DNAH11: variants seen among roughly 807,000 people sequenced by gnomAD.
DNAH11 encodes dynein axonemal heavy chain 11.
Under a neutral mutation model 526.0 loss-of-function variants are expected in DNAH11, and 442 were observed. That is an observed-to-expected ratio of 0.84 (90% CI 0.78 to 0.91). The LOEUF (loss-of-function observed/expected upper bound fraction) is 0.91, where lower values mean the gene tolerates loss of function less well. DNAH11 is among the 40% of genes least tolerant of loss of function. DNAH11 has a pLI of 0.00. For missense variants in DNAH11, 6,989 were observed against 5,448.7 expected (o/e 1.28, Z -8.90); for synonymous variants, 2,461 against 1,935.9 (o/e 1.27, Z -7.12).
At chr7:21,771,728 C>A (rs181975130) in intron 55 of DNAH11, among the ~76,000 whole-genome samples, 6 of 152,060 alleles carry the variant, frequency 3.9e-5, no homozygotes, top group African/African-American at 1.4e-4. Flanking sequence ...TATTAAGAGG[C>A]CAAATCTAGC....
In DNAH11 at chr7:21,725,918, T is replaced by G; in HGVS notation, c.7374T>G (p.Thr2458=). ...TTGATTATTATGTGGACCACAAAAC[T>G]AAGAAATTATTGCCCTGGGCTGACA... ...TIFDYYVDHK[T]KKLLPWADKI... Residue 2458 remains threonine, a synonymous_variant, in exon 45 of 82, where the codon ACT becomes ACG. Coordinates refer to ENST00000409508, the MANE Select transcript of DNAH11 (RefSeq NM_001277115.2). 1 of 1,578,964 alleles carries G rather than the reference T, an allele frequency of 6.3e-7. No homozygotes were observed. Among genetic ancestry groups the G allele is most frequent in the Non-Finnish European group, 8.6e-7 (1 of 1,161,276 alleles).
At chr7:21,876,143 G>A (rs567332043) in intron 74 of DNAH11, among the ~76,000 whole-genome samples, 165 of 152,100 alleles carry the variant, frequency 1.1e-3, no homozygotes, top group African/African-American at 2.7e-3. Context: ...CTCGGCATCC[G>A]AAGTGCTGGG....
intron 44 of DNAH11, among the ~76,000 whole-genome samples, chr7:21,722,705 T>C (rs1784927813): frequency 6.6e-6 from 1 of 152,186 alleles, no homozygotes; most frequent in African/African-American, 2.4e-5. Flanking sequence ...AGTCAAGTGT[T>C]CGTGTCAGGG....
At chr7:21,726,076 T>A in intron 45 of DNAH11, 92 bp downstream of exon 45, 1 of 1,265,440 alleles carries the variant, frequency 7.9e-7, no homozygotes, top group Non-Finnish European at 1.0e-6. Context: ...GAAAAGAGGT[T>A]TAATTGGCTC....
intron 8 of DNAH11, among the ~76,000 whole-genome samples, chr7:21,574,709 G>A (rs1286738617): frequency 6.6e-6 from 1 of 150,882 alleles, no homozygotes; most frequent in East Asian, 2.0e-4. Context: ...GATTACAGGG[G>A]CACACCACCA....
At position 21,896,451 on chromosome 7, in the gene DNAH11, C is replaced by G. The variant is rs145976198; in HGVS notation, c.13049+1452C>G. 2.9e-3 allele frequency among the ~76,000 whole-genome samples: 445 copies of G among 152,270 alleles called. 1 individual carries two copies. Among genetic ancestry groups the G allele is most frequent in the African/African-American group, 9.8e-3 (409 of 41,562 alleles). ...TTTGATTGTAGAGGGTGGATCTGGT[C>G]TTAAATATTTGCCATTCCTTCCCAA... On this transcript the variant is annotated intron_variant, in intron 79 of 81. Transcript: ENST00000409508.
At chr7:21,655,073 C>CT (rs1179654592) in intron 28 of DNAH11, among the ~76,000 whole-genome samples, 1 of 150,538 alleles carries the variant, frequency 6.6e-6, no homozygotes, top group East Asian at 2.0e-4. Context: ...GTTTTCCCCC[C>CT]CCACCCCCAA....
rs113456340 is a variant in DNAH11, at chr7:21,616,176, T to C, written c.4012-33T>C. 3.0e-5 allele frequency: 47 copies of C among 1,553,280 alleles called. No homozygotes were observed. The African/African-American group carries it at 4.1e-4, about 13-fold the overall frequency. ...GCAGAGACTTGCTTTCACCAAATGT[T>C]GTTGACACTTTTATCTGCTTTTGCG... On this transcript the variant is annotated intron_variant, in intron 21 of 81. Transcript: ENST00000409508.
chr7:21,560,039 T>C (rs539214266), intron 4 of DNAH11, among the ~76,000 whole-genome samples: 1 of 152,310 alleles, frequency 6.6e-6, no homozygotes, highest in African/African-American at 2.4e-5. Context: ...GGAAGAGCAG[T>C]ACTTACCCAG....
chr7:21,600,541 T>C, intron 15 of DNAH11, 135 bp from the exon 16 acceptor site: 2 of 1,067,084 alleles, frequency 1.9e-6, no homozygotes, highest in Non-Finnish European at 2.6e-6. Flanking sequence ...AAAGAGAAGT[T>C]GGAAAAAGCA....
chr7:21,569,500 C>T (rs923078193), intron 6 of DNAH11, among the ~76,000 whole-genome samples: 1 of 152,146 alleles, frequency 6.6e-6, no homozygotes, highest in Non-Finnish European at 1.5e-5. Context: ...CTCTTCCTTT[C>T]TTTTCCTCTA....
chr7:21,774,453 C>T (rs1045244968), intron 56 of DNAH11, among the ~76,000 whole-genome samples: 7 of 152,186 alleles, frequency 4.6e-5, no homozygotes, highest in African/African-American at 7.2e-5. Context: ...CTTGTCTGCT[C>T]CTCTTACACA....
In DNAH11 at chr7:21,787,474, A is replaced by G. The variant is rs1554281016; in HGVS notation, c.9815A>G (p.Asn3272Ser). The G allele has an allele frequency of 6.2e-7, 1 of 1,613,830 alleles. No homozygotes were observed. The highest frequency in any genetic ancestry group is 1.1e-5 in the South Asian group (1 of 91,052). ...HIPENCLKVV[N>S]EHYLKDPEFN... ...CCAGAGAACTGTCTAAAAGTGGTGAATGAACACTATTTGAAAGACCCAGAG... is the reference window on the plus strand; with the variant it reads ...CCAGAGAACTGTCTAAAAGTGGTGAGTGAACACTATTTGAAAGACCCAGAG... Residue 3272 changes from asparagine (N) to serine (S), a missense_variant, in exon 60 of 82, where the codon AAT becomes AGT. Physicochemically the swap from Asn to Ser is conservative, Grantham distance 46 (BLOSUM62 1). Coordinates refer to ENST00000409508, the MANE Select transcript of DNAH11 (RefSeq NM_001277115.2).
intron 65 of DNAH11, among the ~76,000 whole-genome samples, chr7:21,831,103 GA>G (rs1460332733): frequency 6.6e-6 from 1 of 152,196 alleles, no homozygotes; most frequent in Non-Finnish European, 1.5e-5. Context: ...GTGGGGAGTG[GA>G]GCTGGAAGAT....
chr7:21,620,075 C>A lies in DNAH11; in HGVS notation c.4497C>A (p.Asn1499Lys). ...DEQLFETLEHNQVQLQTLLQS... is the reference protein window; with the variant it reads ...DEQLFETLEHKQVQLQTLLQS... ...AACTTTTTGAAACTCTAGAGCACAA[C>A]CAAGTAAGATGGATATTTTTATTGC... Residue 1499 changes from asparagine (N) to lysine (K), a missense_variant, in exon 25 of 82, where the codon AAC (asparagine) becomes AAA (lysine). Physicochemically the swap from Asn to Lys is moderately conservative, Grantham distance 94. Coordinates refer to ENST00000409508, the MANE Select transcript of DNAH11 (RefSeq NM_001277115.2). The A allele has an allele frequency of 6.3e-7, 1 of 1,580,196 alleles. No homozygotes were observed. The highest frequency in any genetic ancestry group is 8.6e-7 in the Non-Finnish European group (1 of 1,167,418).
chr7:21,869,701 C>T (rs961915085), intron 73 of DNAH11, among the ~76,000 whole-genome samples: 4 of 152,224 alleles, frequency 2.6e-5, no homozygotes, highest in Non-Finnish European at 5.9e-5. Context: ...ATACTTGGCT[C>T]CTGCATCAAT....
intron 25 of DNAH11, among the ~76,000 whole-genome samples, chr7:21,635,042 C>A (rs1182829080): frequency 2.0e-5 from 3 of 152,016 alleles, no homozygotes; most frequent in Admixed American, 6.6e-5. Flanking sequence ...AAAAACAAAA[C>A]AAAAACAAGC....
At chr7:21,566,688 C>G (rs924829494) in intron 6 of DNAH11, among the ~76,000 whole-genome samples, 4 of 151,576 alleles carry the variant, frequency 2.6e-5, no homozygotes, top group African/African-American at 9.7e-5. Flanking sequence ...CCCGTTATAC[C>G]ATGCTCCATA....
chr7:21,603,562 T>C (rs1201176018), intron 18 of DNAH11, among the ~76,000 whole-genome samples: 2 of 152,242 alleles, frequency 1.3e-5, no homozygotes, highest in African/African-American at 4.8e-5. Context: ...TATTTACAAG[T>C]GCTCTCTTGA....
Sources: gnomAD v4.1 joint callset for allele counts (sites outside exome capture counted in the v4.1 genomes callset) on GRCh38, gnomAD v4.1.1 for gene constraint, MANE v1.5 for transcripts, NCBI Gene and HGNC (gene_info 2026-07-23, HGNC 2026-07-21) for gene names.